DNAJB5: variants seen among roughly 807,000 people sequenced by gnomAD.
The protein encoded by DNAJB5 is dnaJ homolog subfamily B member 5.
DNAJB5 carries 12 observed loss-of-function variants against 32.6 expected under a neutral mutation model. The ratio of observed to expected loss-of-function variants is 0.37; its 90% confidence interval spans 0.24 to 0.60. The LOEUF (loss-of-function observed/expected upper bound fraction) is 0.60, where lower values mean the gene tolerates loss of function less well. Ranked by LOEUF, DNAJB5 falls within the 20% of genes least tolerant of loss-of-function variation. The pLI is 0.71. For missense variants in DNAJB5, 358 were observed against 554.2 expected (o/e 0.65, Z 3.55); for synonymous variants, 188 against 212.9 (o/e 0.88, Z 1.02).
At position 34,990,197 on chromosome 9, in the gene DNAJB5, A is replaced by C; in HGVS notation, c.-132-302A>C. On this transcript the variant is annotated intron_variant, in intron 1 of 4. Coordinates refer to ENST00000682809, the MANE Select transcript of DNAJB5 (RefSeq NM_001349723.3). This position sits in a 1 kb window ranked among gnomAD's most constrained non-coding sequence, Gnocchi z 4.5. ...CTCGCCGCGCCTTTTGTCCCGGCCGAGCTCCGCTCTGCCCCGCCCATCTGC... is the reference window on the plus strand; with the variant it reads ...CTCGCCGCGCCTTTTGTCCCGGCCGCGCTCCGCTCTGCCCCGCCCATCTGC... 2 of 1,196,574 alleles carry C rather than the reference A, an allele frequency of 1.7e-6. No individual in the cohort carries two copies. Among genetic ancestry groups the C allele is most frequent in the East Asian group, 4.2e-5 (1 of 23,546 alleles). 74.1% of individuals were successfully genotyped at this position (1,196,574 alleles called of 1,614,324 possible).
Position 34,996,447 on chromosome 9 carries a change from G to A in DNAJB5, c.610G>A (p.Asp204Asn). 6.2e-7 allele frequency: 1 copy of A among 1,614,182 alleles called. No individual in the cohort carries two copies. Among genetic ancestry groups the A allele is most frequent in the South Asian group, 1.1e-5 (1 of 91,078 alleles). The change falls in exon 4 of 5, where the codon GAT becomes AAT. Residue 204 changes from aspartate (D) to asparagine (N), a missense_variant. Physicochemically the swap from Asp to Asn is conservative, Grantham distance 23. Around this residue, in one of 2 missense-constraint regions of DNAJB5, gnomAD observed 248 missense variants for 442.6 expected, o/e 0.56. Transcript: ENST00000682809. This position sits in a 1 kb window ranked among gnomAD's most constrained non-coding sequence, Gnocchi z 7.2. Reference protein sequence around the residue: ...SGFDPDDMDVDEDEDPFGAFG... With the variant: ...SGFDPDDMDVNEDEDPFGAFG... ...CTTTGACCCAGATGACATGGATGTG[G>A]ATGAAGATGAGGACCCATTTGGCGC... is the stretch of plus-strand genomic sequence containing the variant.
rs139255738 is a variant in DNAJB5 at position 34,997,650 on chromosome 9, C to G, written c.*391C>G. On this transcript the variant is annotated 3_prime_UTR_variant, in exon 5 of 5. Coordinates refer to ENST00000682809, the MANE Select transcript of DNAJB5 (RefSeq NM_001349723.3). This position sits in a 1 kb window ranked among gnomAD's most constrained non-coding sequence, Gnocchi z 4.1. The stretch of plus-strand genomic sequence containing the variant: ...AGTCCCCTCCCTTCCCTTTGGCTTC[C>G]TGCTGTTGGGGGTGGAAAAGACTAG... 1 of 360,650 alleles carries G rather than the reference C, an allele frequency of 2.8e-6. No homozygotes were observed. Among genetic ancestry groups the G allele is most frequent in the Non-Finnish European group, 5.4e-6 (1 of 185,190 alleles). 22.3% of individuals were successfully genotyped at this position (360,650 alleles called of 1,614,324 possible).
At position 34,997,519 on chromosome 9, in the gene DNAJB5, A is replaced by G; in HGVS notation, c.*260A>G. The G allele has an allele frequency of 8.2e-6, 5 of 611,336 alleles. 1 individual carries two copies. Among genetic ancestry groups the G allele is most frequent in the South Asian group, 6.7e-5 (4 of 59,732 alleles). The allele number at this position is 611,336 out of a possible 1,614,324, so 37.9% of individuals were successfully genotyped here. A position where few individuals can be genotyped will look rare whatever the true frequency, so the allele number is the denominator to read the frequency against. On this transcript the variant is annotated 3_prime_UTR_variant, in exon 5 of 5. Transcript: ENST00000682809. This position sits in a 1 kb window ranked among gnomAD's most constrained non-coding sequence, Gnocchi z 4.1. ...GTCACTAGCTTTCAATCCAGTTTCC[A>G]CTGCAGTGGCTGGAGAGTGACCTGA...
At position 34,993,561 on chromosome 9, in the gene DNAJB5, T is replaced by C. The variant is rs925621932; in HGVS notation, c.427+117T>C. 4.2e-5 allele frequency: 57 copies of C among 1,365,502 alleles called. No individual in the cohort carries two copies. The highest frequency in any genetic ancestry group is 5.3e-5 in the Non-Finnish European group (54 of 1,010,784). The allele number at this position is 1,365,502 out of a possible 1,614,324, so 84.6% of individuals were successfully genotyped here. On this transcript the variant is annotated intron_variant, in intron 3 of 4. Transcript: ENST00000682809. This position sits in a 1 kb window ranked among gnomAD's most constrained non-coding sequence, Gnocchi z 4.7. ...GTGGAGGGGGTGAGGGCAGCAAGGGTTTCCAGCACTGTCACCCAGAGAAGA... is the reference window on the plus strand; with the variant it reads ...GTGGAGGGGGTGAGGGCAGCAAGGGCTTCCAGCACTGTCACCCAGAGAAGA...
chr9:34,993,482 C>T lies in DNAJB5; in HGVS notation c.427+38C>T. 6.3e-7 allele frequency: 1 copy of T among 1,585,436 alleles called. No individual in the cohort carries two copies. Among genetic ancestry groups the T allele is most frequent in the Non-Finnish European group, 8.5e-7 (1 of 1,169,658 alleles). On this transcript the variant is annotated intron_variant, in intron 3 of 4. Coordinates refer to ENST00000682809, the MANE Select transcript of DNAJB5 (RefSeq NM_001349723.3). The surrounding 1 kb of genome is among the most constrained non-coding windows in gnomAD (Gnocchi z 4.7). ...CACTCCAGCCCAATCCCGGACCCCTCCGCTTGGTAGGGGTCCCAGGTGCAC... is the reference window on the plus strand; with the variant it reads ...CACTCCAGCCCAATCCCGGACCCCTTCGCTTGGTAGGGGTCCCAGGTGCAC...
chr9:34,994,818 G>A (rs937917451), intron 3 of DNAJB5, among the ~76,000 whole-genome samples: 10 of 152,162 alleles, frequency 6.6e-5, no homozygotes, highest in African/African-American at 2.2e-4. Flanking sequence ...GGAGGGAGAA[G>A]CAGCTTAGAA....
At position 34,996,645 on chromosome 9, in the gene DNAJB5, A is replaced by G; in HGVS notation, c.808A>G (p.Asn270Asp). The change falls in exon 4 of 5, where the codon AAC (asparagine) becomes GAC (aspartate). Residue 270 changes from asparagine (N) to aspartate (D), a missense_variant. This residue lies in a region of DNAJB5 where 248 missense variants were observed against 442.6 expected (regional missense o/e 0.56). Coordinates refer to ENST00000682809, the MANE Select transcript of DNAJB5 (RefSeq NM_001349723.3). This position sits in a 1 kb window ranked among gnomAD's most constrained non-coding sequence, Gnocchi z 7.2. Reference sequence around the variant, plus strand: ...CATGAAGATCACAAGGCGTCGCCTCAACCCTGATGGGCGAACTGTGCGCAC... The same window carrying G: ...CATGAAGATCACAAGGCGTCGCCTCGACCCTGATGGGCGAACTGTGCGCAC... ...KRMKITRRRL[N>D]PDGRTVRTED... 1 of 1,614,102 alleles carries G rather than the reference A, an allele frequency of 6.2e-7. No homozygotes were observed.
In DNAJB5 at chr9:34,997,440, G is replaced by C. The variant is rs929543750; in HGVS notation, c.*181G>C. On this transcript the variant is annotated 3_prime_UTR_variant, in exon 5 of 5. Coordinates refer to ENST00000682809, the MANE Select transcript of DNAJB5 (RefSeq NM_001349723.3). The surrounding 1 kb of genome is among the most constrained non-coding windows in gnomAD (Gnocchi z 4.1). ...CCCCTTTTAGAGCTGGGCTGCCTGG[G>C]GGGAGTGGGAGGGAGGTGGGGAGAG... 1 of 752,720 alleles carries C rather than the reference G, an allele frequency of 1.3e-6. No homozygotes were observed. The highest frequency in any genetic ancestry group is 1.7e-5 in the African/African-American group (1 of 58,096). The allele number at this position is 752,720 out of a possible 1,614,324, so 46.6% of individuals were successfully genotyped here.
In DNAJB5 at chr9:34,990,552, C is replaced by T. The variant is rs748821029; in HGVS notation, c.-79C>T. ...TTGCTGGGCACGCGCCTCTGAGAGT[C>T]CAAGGAGGTGGCTTCCAGAGCTGCA... On this transcript the variant is annotated 5_prime_UTR_variant, in exon 2 of 5. Transcript: ENST00000682809. This position sits in a 1 kb window ranked among gnomAD's most constrained non-coding sequence, Gnocchi z 4.5. The T allele has an allele frequency of 1.3e-6, 2 of 1,549,406 alleles. No homozygotes were observed.
At chr9:34,989,925 G>T in intron 1 of DNAJB5, 94 bp downstream of exon 1, 1 of 1,248,192 alleles carries the variant, frequency 8.0e-7, no homozygotes, top group Non-Finnish European at 1.0e-6. Flanking sequence ...CTGAGGGCCC[G>T]TAGGCTCTGC....
chr9:34,998,727 T>A (rs1301741383), downstream of DNAJB5: 5 of 152,148 alleles, frequency 3.3e-5, no homozygotes, highest in African/African-American at 1.2e-4. Context: ...GAAAACAGAT[T>A]TTCTCTTCTT....
rs560785508 is a variant in DNAJB5 at position 34,993,908 on chromosome 9, C to A, written c.427+464C>A. Among the ~76,000 whole-genome samples, 5 of 152,224 alleles carry A rather than the reference C, an allele frequency of 3.3e-5. No homozygotes were observed. Among genetic ancestry groups the A allele is most frequent in the African/African-American group, 9.7e-5 (4 of 41,442 alleles). ...GAAATGGTTTTCCCCTTCTCTCCCCCGGCCCTGCCTGCTTCTGGCCAGCAG... is the reference window on the plus strand; with the variant it reads ...GAAATGGTTTTCCCCTTCTCTCCCCAGGCCCTGCCTGCTTCTGGCCAGCAG... On this transcript the variant is annotated intron_variant, in intron 3 of 4. Coordinates refer to ENST00000682809, the MANE Select transcript of DNAJB5 (RefSeq NM_001349723.3). This position sits in a 1 kb window ranked among gnomAD's most constrained non-coding sequence, Gnocchi z 4.7.
Position 34,997,268 on chromosome 9 carries a change from C to G in DNAJB5, c.*9C>G. On this transcript the variant is annotated 3_prime_UTR_variant, in exon 5 of 5. Transcript: ENST00000682809. This position sits in a 1 kb window ranked among gnomAD's most constrained non-coding sequence, Gnocchi z 4.1. Reference sequence around the variant, plus strand: ...ACCTACCCTGTTCCTAGGCTCTGCCCCAGCCAGTCCAGAGCCTACCACAGC... The same window carrying G: ...ACCTACCCTGTTCCTAGGCTCTGCCGCAGCCAGTCCAGAGCCTACCACAGC... The G allele has an allele frequency of 6.2e-7, 1 of 1,612,734 alleles. No homozygotes were observed. Among genetic ancestry groups the G allele is most frequent in the Non-Finnish European group, 8.5e-7 (1 of 1,178,694 alleles).
intron 2 of DNAJB5, chr9:34,991,102 C>T (rs935827578): frequency 3.3e-5 from 16 of 478,076 alleles, no homozygotes; most frequent in Non-Finnish European, 1.2e-5. Flanking sequence ...CAGCCATTTC[C>T]ATCTGTCACT....
rs1360766670 is a variant in DNAJB5, at chr9:34,996,219, G to A, written c.428-46G>A. The A allele has an allele frequency of 1.1e-5, 18 of 1,572,124 alleles. No individual in the cohort carries two copies. The highest frequency in any genetic ancestry group is 1.6e-5 in the Non-Finnish European group (18 of 1,158,442). ...AGGGCAGGGGGAAGACACTGGGATT[G>A]GGGCCAGAATAAGCCACACTGCCCC... On this transcript the variant is annotated intron_variant, in intron 3 of 4. Transcript: ENST00000682809. The surrounding 1 kb of genome is among the most constrained non-coding windows in gnomAD (Gnocchi z 7.2).
downstream of DNAJB5, chr9:34,998,453 C>A (rs985391001): frequency 6.6e-6 from 1 of 152,222 alleles, no homozygotes; most frequent in Non-Finnish European, 1.5e-5. Flanking sequence ...GAGCAACAAA[C>A]CTGGGATGGG....
At chr9:34,995,819 C>A (rs1393966795) in intron 3 of DNAJB5, among the ~76,000 whole-genome samples, 1 of 152,170 alleles carries the variant, frequency 6.6e-6, no homozygotes, top group Non-Finnish European at 1.5e-5. Context: ...CTTACCAGCC[C>A]CCTCTGTGGT....
rs945699372 is a variant in DNAJB5, at chr9:34,989,811, G to A, written c.-153G>A. 2.7e-4 allele frequency: 333 copies of A among 1,232,258 alleles called. 3 individuals are homozygous for A. The East Asian group carries it at 0.01, about 39-fold the overall frequency. The allele number at this position is 1,232,258 out of a possible 1,614,324, so 76.3% of individuals were successfully genotyped here. On this transcript the variant is annotated 5_prime_UTR_variant, in exon 1 of 5. Coordinates refer to ENST00000682809, the MANE Select transcript of DNAJB5 (RefSeq NM_001349723.3). The stretch of plus-strand genomic sequence containing the variant: ...CAGCGGCTGTCTCACGGACCACGGC[G>A]GCGCCCGCAGCTCCTCACCGGTGAG...
In DNAJB5 at chr9:34,990,279, G is replaced by A. The variant is rs1374340166; in HGVS notation, c.-132-220G>A. 17 of 1,385,154 alleles carry A rather than the reference G, an allele frequency of 1.2e-5. No individual in the cohort carries two copies. The highest frequency in any genetic ancestry group is 1.6e-5 in the Non-Finnish European group (17 of 1,054,020). The allele number at this position is 1,385,154 out of a possible 1,614,324, so 85.8% of individuals were successfully genotyped here. The stretch of plus-strand genomic sequence containing the variant: ...GAGTAGGTTCTTGGGGATTGGGGTC[G>A]GGTCCTCCCCAGTGAGAGGCGACAG... On this transcript the variant is annotated intron_variant, in intron 1 of 4. Transcript: ENST00000682809. This position sits in a 1 kb window ranked among gnomAD's most constrained non-coding sequence, Gnocchi z 4.5.
Sources: gnomAD v4.1 joint callset for allele counts (sites outside exome capture counted in the v4.1 genomes callset) on GRCh38, gnomAD v4.1.1 for gene constraint, gnomAD v4.1.1 regional missense constraint, Gnocchi (gnomAD v3.1) non-coding constraint, MANE v1.5 for transcripts, NCBI Gene and HGNC (gene_info 2026-07-23, HGNC 2026-07-21) for gene names.